CHRNA3: variants seen among roughly 807,000 people sequenced by gnomAD.
CHRNA3 encodes neuronal acetylcholine receptor subunit alpha-3.
Under a neutral mutation model 41.9 loss-of-function variants are expected in CHRNA3, and 34 were observed. The ratio of observed to expected loss-of-function variants is 0.81; its 90% CI spans 0.62 to 1.08. The LOEUF is 1.08. CHRNA3 is among the 50% of genes least tolerant of loss of function. The pLI, the probability that CHRNA3 is intolerant of heterozygous loss-of-function variation, is 0.00. For missense variants in CHRNA3, 542 were observed against 638.3 expected (o/e 0.85, Z 1.63); for synonymous variants, 281 against 265.2 (o/e 1.06, Z -0.58).
chr15:78,603,527 G>A (rs1400021956), intron 4 of CHRNA3, among the ~76,000 whole-genome samples: 2 of 152,216 alleles, frequency 1.3e-5, no homozygotes, highest in Non-Finnish European at 1.5e-5. Flanking sequence ...TTAGCCTTGT[G>A]AAGGCATTTA....
At chr15:78,603,759 T>A (rs1478187640) in intron 4 of CHRNA3, among the ~76,000 whole-genome samples, 1 of 152,186 alleles carries the variant, frequency 6.6e-6, no homozygotes, top group Non-Finnish European at 1.5e-5. Flanking sequence ...ACTAACTATC[T>A]TTCCTCTGGT....
intron 5 of CHRNA3, among the ~76,000 whole-genome samples, chr15:78,598,624 T>G (rs2053149389): frequency 6.6e-6 from 1 of 152,124 alleles, no homozygotes; most frequent in Admixed American, 6.5e-5. Context: ...CACTGCAAGC[T>G]CCACCTCCCA....
Position 78,596,751 on chromosome 15 carries a change from A to C in CHRNA3, c.1390-19T>G. 6.3e-7 allele frequency: 1 copy of C among 1,589,800 alleles called. No individual in the cohort carries two copies. The highest frequency in any genetic ancestry group is 8.5e-7 in the Non-Finnish European group (1 of 1,173,794). ...CTTGAATCTGCAAAACAAAATGATA[A>C]AAGAAAAAAAACATGGAGGGAAAGG... On this transcript the variant is annotated intron_variant, in intron 5 of 5. Transcript: ENST00000326828.
Position 78,602,070 on chromosome 15 carries a change from A to T in CHRNA3, c.572T>A (p.Leu191Gln), listed in dbSNP as rs1409661872. 1 of 1,614,188 alleles carries T rather than the reference A, an allele frequency of 6.2e-7. No individual in the cohort carries two copies. Residue 191 changes from leucine to glutamine, a missense_variant, in exon 5 of 6, where the codon CTG (leucine) becomes CAG (glutamine). Leu to Gln is a moderately radical substitution (Grantham distance 113). Transcript: ENST00000326828. ...SYDKAKIDLVLIGSSMNLKDY... is the reference protein window; with the variant it reads ...SYDKAKIDLVQIGSSMNLKDY... Reference sequence around the variant, plus strand: ...CTTGAGGTTCATGGAAGAGCCGATCAGGACCAGATCGATTTTCGCCTTATC... The same window carrying T: ...CTTGAGGTTCATGGAAGAGCCGATCTGGACCAGATCGATTTTCGCCTTATC...
At chr15:78,612,371 A>G (rs1300895962) in intron 4 of CHRNA3, among the ~76,000 whole-genome samples, 3 of 145,958 alleles carry the variant, frequency 2.1e-5, no homozygotes, top group African/African-American at 5.2e-5. Flanking sequence ...AAACAGAGAT[A>G]TAGATCAAAG....
intron 4 of CHRNA3, among the ~76,000 whole-genome samples, chr15:78,604,521 G>A (rs1302002203): frequency 6.6e-6 from 1 of 152,192 alleles, no homozygotes; most frequent in African/African-American, 2.4e-5. Flanking sequence ...CCTGGTCACT[G>A]TGGCTGCTGC....
At chr15:78,596,818 T>C (rs2053120550) in intron 5 of CHRNA3, 86 bp from the exon 6 acceptor site, 1 of 1,489,320 alleles carries the variant, frequency 6.7e-7, no homozygotes, top group African/African-American at 1.4e-5. Context: ...AATCAACACG[T>C]TGCAGTAGAA....
intron 4 of CHRNA3, among the ~76,000 whole-genome samples, chr15:78,611,486 T>C (rs1350195732): frequency 6.6e-6 from 1 of 151,582 alleles, no homozygotes; most frequent in African/African-American, 2.4e-5. Context: ...ATTATCTCAA[T>C]AGATGCAGAA....
chr15:78,615,355 AGGCTGG>A (rs1252785614), intron 4 of CHRNA3, among the ~76,000 whole-genome samples: 2 of 152,338 alleles, frequency 1.3e-5, no homozygotes, highest in Non-Finnish European at 2.9e-5. Flanking sequence ...AGGCAGAGAC[AGGCTGG>A]GGTGCCCAGC....
At position 78,601,542 on chromosome 15, in the gene CHRNA3, T is replaced by C. The variant is rs763883522; in HGVS notation, c.1100A>G (p.Gln367Arg). The C allele has an allele frequency of 2.5e-6, 4 of 1,614,218 alleles. No homozygotes were observed. The highest frequency in any genetic ancestry group is 3.4e-6 in the Non-Finnish European group (4 of 1,180,046). Residue 367 changes from glutamine (Q) to arginine (R), a missense_variant, in exon 5 of 6, where the codon CAG becomes CGG. By Grantham distance (43) the Gln-to-Arg change is conservative. Transcript: ENST00000326828. ...GGCACCGTAGAGGGGCCTCGGCTTC[T>C]GAGCGTTGCCCTCGTTGCTTGTTGG... ...TRPTSNEGNA[Q>R]KPRPLYGAEL...
chr15:78,619,188 T>C (rs113048580), intron 1 of CHRNA3: 6,885 of 513,652 alleles, frequency 0.013, 379 homozygotes, highest in African/African-American at 0.12. Flanking sequence ...GTGCAAATCC[T>C]GACAAATCAC....
chr15:78,617,958 G>A (rs1322524548), intron 3 of CHRNA3, among the ~76,000 whole-genome samples: 1 of 152,218 alleles, frequency 6.6e-6, no homozygotes. Flanking sequence ...TTAAGAATGA[G>A]TATAGGGGCT....
chr15:78,614,110 C>T (rs559087905), intron 4 of CHRNA3, among the ~76,000 whole-genome samples: 2 of 152,204 alleles, frequency 1.3e-5, no homozygotes, highest in Non-Finnish European at 2.9e-5. Flanking sequence ...TTGCTCCTCT[C>T]CACAGCCAAT....
downstream of CHRNA3, chr15:78,595,074 T>C (rs2053078751): frequency 6.5e-6 from 1 of 153,748 alleles, no homozygotes; most frequent in African/African-American, 2.4e-5. Flanking sequence ...CCAATGCTCT[T>C]TGGAAGGCGG....
intron 1 of CHRNA3, chr15:78,619,800 A>AAT (rs779835351): frequency 4.6e-5 from 7 of 151,938 alleles, no homozygotes; most frequent in Middle Eastern, 3.4e-3. Context: ...GCGGGAGGAG[A>AAT]ATCCTCTAGG....
chr15:78,603,750 C>T (rs1418562995), intron 4 of CHRNA3, among the ~76,000 whole-genome samples: 1 of 152,182 alleles, frequency 6.6e-6, no homozygotes, highest in Non-Finnish European at 1.5e-5. Context: ...GCCAAAGCCA[C>T]TAACTATCTT....
chr15:78,615,652 G>A (rs571281801), intron 4 of CHRNA3, among the ~76,000 whole-genome samples: 33 of 134,538 alleles, frequency 2.5e-4, no homozygotes, highest in Admixed American at 2.1e-3. Context: ...GACAGGTATA[G>A]AGATTTTTTG....
chr15:78,615,940 G>A (rs1201941686), intron 4 of CHRNA3, among the ~76,000 whole-genome samples: 5 of 150,372 alleles, frequency 3.3e-5, no homozygotes, highest in African/African-American at 1.2e-4. Flanking sequence ...TGGGGTTTTG[G>A]TATATTGGCC....
downstream of CHRNA3, chr15:78,593,479 A>C: frequency 2.9e-6 from 1 of 350,212 alleles, no homozygotes; most frequent in Non-Finnish European, 5.1e-6. Flanking sequence ...GCAAAATATT[A>C]TCTGAACTGG....
Sources: gnomAD v4.1 joint callset for allele counts (sites outside exome capture counted in the v4.1 genomes callset) on GRCh38, gnomAD v4.1.1 for gene constraint, MANE v1.5 for transcripts, NCBI Gene and HGNC (gene_info 2026-07-23, HGNC 2026-07-21) for gene names.